The following COBL variants were observed in gnomAD, a reference collection of about 807,000 sequenced individuals.
COBL encodes protein cordon-bleu.
COBL carries 51 observed loss-of-function variants against 98.8 expected under a neutral mutation model. The observed-to-expected ratio is 0.52, with a 90% CI of 0.41 to 0.65. The LOEUF is 0.65. COBL is among the 30% of genes least tolerant of loss of function. COBL has a pLI of 0.00. For synonymous variants in COBL, 634 were observed against 651.7 expected, an observed-to-expected ratio of 0.97 and a Z score of 0.41; for missense variants, 1,617 against 1,617.5, an observed-to-expected ratio of 1.00 and a Z score of 0.01.
chr7:51,179,729 G>A (rs997430887), intron 5 of COBL, among the ~76,000 whole-genome samples: 4 of 152,128 alleles, frequency 2.6e-5, no homozygotes, highest in African/African-American at 9.7e-5. Context: ...CTGAATACAA[G>A]TTTCTGATAA....
intron 1 of COBL, among the ~76,000 whole-genome samples, chr7:51,265,275 T>A (rs878988676): frequency 6.6e-6 from 1 of 152,038 alleles, no homozygotes; most frequent in Non-Finnish European, 1.5e-5. Flanking sequence ...GGAAAGCAGG[T>A]GGGGGTTGGG....
At chr7:51,061,929 A>C (rs1278627909) in intron 7 of COBL, among the ~76,000 whole-genome samples, 1 of 121,910 alleles carries the variant, frequency 8.2e-6, no homozygotes, top group Non-Finnish European at 1.7e-5. Context: ...CCTATAAAAA[A>C]AAATCTCTCC....
At chr7:51,154,134 T>G (rs1032808214) in intron 5 of COBL, among the ~76,000 whole-genome samples, 1 of 152,172 alleles carries the variant, frequency 6.6e-6, no homozygotes, top group African/African-American at 2.4e-5. Flanking sequence ...ATTCTGGGGA[T>G]TTCCTTTATG....
At chr7:51,046,559 C>T (rs150374524) in intron 7 of COBL, among the ~76,000 whole-genome samples, 232 of 152,268 alleles carry the variant, frequency 1.5e-3, no homozygotes, top group African/African-American at 5.4e-3. Flanking sequence ...CAGCTGGTTC[C>T]GATGATTAAC....
intron 7 of COBL, among the ~76,000 whole-genome samples, chr7:51,077,540 G>T (rs925777271): frequency 6.6e-6 from 1 of 152,170 alleles, no homozygotes. Flanking sequence ...CTTCACACTT[G>T]CCCTATGTTG....
intron 6 of COBL, among the ~76,000 whole-genome samples, chr7:51,131,932 T>G (rs111383678): frequency 0.016 from 2,414 of 152,256 alleles, 77 homozygotes; most frequent in African/African-American, 0.056. Context: ...CTGAAAGGGA[T>G]GAGCAACTCT....
intron 5 of COBL, among the ~76,000 whole-genome samples, chr7:51,182,222 A>T (rs1163419184): frequency 6.6e-6 from 1 of 152,164 alleles, no homozygotes; most frequent in Non-Finnish European, 1.5e-5. Flanking sequence ...ACGTCAGGAA[A>T]AAAAAACCAA....
chr7:51,082,918 G>A, intron 7 of COBL: 1 of 771,266 alleles, frequency 1.3e-6, no homozygotes, highest in Non-Finnish European at 2.2e-6. Flanking sequence ...ACTGCATTCA[G>A]CATTGGGAAA....
rs1787755325 is a variant in COBL at position 51,028,094 on chromosome 7, G to A, written c.3002C>T (p.Thr1001Ile). 1 of 1,613,984 alleles carries A rather than the reference G, an allele frequency of 6.2e-7. No homozygotes were observed. The highest frequency in any genetic ancestry group is 1.3e-5 in the African/African-American group (1 of 74,936). ...TGCTGAGCTGGCCTCCTGGCTACTT[G>A]TGCTTTGCTTTCCACTGAAACCACA... Reference protein sequence around the residue: ...QSCGFSGKQSTSSQEASSASE... With the variant: ...QSCGFSGKQSISSQEASSASE... The change falls in exon 10 of 13, where the codon ACA becomes ATA. Residue 1001 changes from threonine (T) to isoleucine (I), a missense_variant. Thr to Ile is a moderately conservative substitution (Grantham distance 89). Around this residue, in one of 3 missense-constraint regions of COBL, gnomAD observed 1,304 missense variants for 1,282.0 expected, o/e 1.02. Transcript: ENST00000265136.
intron 7 of COBL, among the ~76,000 whole-genome samples, chr7:51,080,587 T>C (rs1383021058): frequency 6.6e-6 from 1 of 152,178 alleles, no homozygotes; most frequent in Non-Finnish European, 1.5e-5. Flanking sequence ...AGAGCTTCTG[T>C]GAGATGCCTG....
intron 5 of COBL, among the ~76,000 whole-genome samples, chr7:51,157,937 T>C (rs1271827956): frequency 6.6e-6 from 1 of 152,242 alleles, no homozygotes; most frequent in Non-Finnish European, 1.5e-5. Flanking sequence ...ACACACATTG[T>C]TAAAACATAC....
chr7:51,217,839 T>C (rs1793232027), intron 2 of COBL, among the ~76,000 whole-genome samples: 1 of 152,192 alleles, frequency 6.6e-6, no homozygotes, highest in Non-Finnish European at 1.5e-5. Context: ...GACTACTTTA[T>C]AAAACAAAGA....
intron 7 of COBL, chr7:51,065,027 AG>A (rs1264064610): frequency 3.2e-6 from 2 of 624,352 alleles, no homozygotes; most frequent in African/African-American, 1.8e-5. Context: ...TCATTACATT[AG>A]AACTGTGTGA....
intron 5 of COBL, chr7:51,156,704 AC>A (rs1292372507): frequency 4.9e-5 from 3 of 60,896 alleles, no homozygotes; most frequent in Admixed American, 4.8e-4. Context: ...CCCTTCACAC[AC>A]ACACACACAC....
chr7:51,107,084 G>GTTTTTTTTTT lies in COBL; in HGVS notation c.958-21781_958-21780insAAAAAAAAAA, dbSNP rs202161212. Among the ~76,000 whole-genome samples, 2 of 109,330 alleles carry GTTTTTTTTTT rather than the reference G, an allele frequency of 1.8e-5. 1 individual carries two copies. Among genetic ancestry groups the GTTTTTTTTTT allele is most frequent in the Non-Finnish European group, 3.8e-5 (2 of 53,286 alleles). 71.7% of individuals were successfully genotyped at this position (109,330 alleles called of 152,430 possible). On this transcript the variant is annotated intron_variant, in intron 6 of 12. Coordinates refer to ENST00000265136, the MANE Select transcript of COBL (RefSeq NM_015198.5). The stretch of plus-strand genomic sequence containing the variant: ...ACTTAACACTTTTTTTGTGATCCTA[G>GTTTTTTTTTT]TTTGTTTGTTTTTTTTTTTTTTTTT...
Position 51,027,907 on chromosome 7 carries a change from G to A in COBL, c.3189C>T (p.Leu1063=), listed in dbSNP as rs1471633354. Residue 1063 remains leucine, a synonymous_variant, in exon 10 of 13, where the codon CTC becomes CTT. Coordinates refer to ENST00000265136, the MANE Select transcript of COBL (RefSeq NM_015198.5). The stretch of plus-strand genomic sequence containing the variant: ...CACTGGGCTTTTCCTCTCTTTCTAG[G>A]AGAATGTGGCTTTCTGTGCCAGACC... The part of the protein sequence containing the change: ...PGGSGTESHI[L]LEREEKPSVF... 6.2e-7 allele frequency: 1 copy of A among 1,614,158 alleles called. No homozygotes were observed. The highest frequency in any genetic ancestry group is 8.5e-7 in the Non-Finnish European group (1 of 1,180,020).
chr7:51,059,332 T>C (rs1313975303), intron 7 of COBL, among the ~76,000 whole-genome samples: 2 of 152,230 alleles, frequency 1.3e-5, no homozygotes, highest in African/African-American at 2.4e-5. Flanking sequence ...AGTTGGCCTA[T>C]GGTAAAACTG....
intron 6 of COBL, among the ~76,000 whole-genome samples, chr7:51,107,703 C>T (rs1044393415): frequency 2.0e-5 from 3 of 152,136 alleles, no homozygotes; most frequent in East Asian, 1.9e-4. Context: ...TCTCCGTACC[C>T]GGGCTGCACT....
chr7:51,292,988 G>A (rs908814968), intron 1 of COBL, among the ~76,000 whole-genome samples: 4 of 152,168 alleles, frequency 2.6e-5, no homozygotes, highest in Admixed American at 2.0e-4. Context: ...CATGTGATGC[G>A]CCAAATCAAA....
Sources: gnomAD v4.1 joint callset for allele counts (sites outside exome capture counted in the v4.1 genomes callset) on GRCh38, gnomAD v4.1.1 for gene constraint, gnomAD v4.1.1 regional missense constraint, MANE v1.5 for transcripts, NCBI Gene and HGNC (gene_info 2026-07-23, HGNC 2026-07-21) for gene names.